Variants in SEPTIN9 observed in about 807,000 individuals in gnomAD.
SEPTIN9 encodes septin 9.
In SEPTIN9, 13 loss-of-function variants were observed where a neutral mutation model predicts 56.6. The observed-to-expected ratio is 0.23, with a 90% CI of 0.15 to 0.37. The LOEUF (loss-of-function observed/expected upper bound fraction) is 0.37. Among genes scored for constraint, SEPTIN9 ranks in the 10% least tolerant of loss-of-function variants. SEPTIN9 has a pLI of 1.00. For missense variants in SEPTIN9, 650 were observed against 823.1 expected, an observed-to-expected ratio of 0.79 and a Z score of 2.57; for synonymous variants, 332 against 334.1, an observed-to-expected ratio of 0.99 and a Z score of 0.07.
At chr17:77,398,134 T>G (rs1263736286) in intron 2 of SEPTIN9, among the ~76,000 whole-genome samples, 2 of 152,136 alleles carry the variant, frequency 1.3e-5, no homozygotes, top group Non-Finnish European at 2.9e-5. Flanking sequence ...CCACCACCCC[T>G]GGCCAATTTT....
Position 77,283,160 on chromosome 17 carries a change from CT to C in SEPTIN9, c.19+1624del, listed in dbSNP as rs33965677. Among the ~76,000 whole-genome samples, 98 of 132,312 alleles carry C rather than the reference CT, an allele frequency of 7.4e-4. 1 individual carries two copies. Among genetic ancestry groups the C allele is most frequent in the East Asian group, 1.3e-3 (6 of 4,592 alleles). The allele number at this position is 132,312 out of a possible 152,430, so 86.8% of individuals were successfully genotyped here. ...ACCTACCCCACCCCTCACTGGGTTT[CT>C]TTTTTTTTTTTTTTTTTAAAAAAAA... On this transcript the variant is annotated intron_variant, in intron 1 of 11. Transcript: ENST00000427177.
At chr17:77,320,158 A>T in intron 2 of SEPTIN9, 13 of 1,524,306 alleles carry the variant, frequency 8.5e-6, no homozygotes, top group Non-Finnish European at 1.1e-5. Context: ...ATTCGGATGC[A>T]TTCGTGATTG....
chr17:77,471,686 T>C (rs911605414), intron 3 of SEPTIN9, among the ~76,000 whole-genome samples: 1 of 152,210 alleles, frequency 6.6e-6, no homozygotes, highest in Non-Finnish European at 1.5e-5. Context: ...AGATGGCCAG[T>C]GTCCACCCAC....
chr17:77,454,002 C>T, intron 3 of SEPTIN9: 1 of 951,778 alleles, frequency 1.1e-6, no homozygotes, highest in Non-Finnish European at 1.3e-6. Flanking sequence ...TACATGTAAG[C>T]CTTTCCCATA....
At chr17:77,459,692 G>A (rs1383621272) in intron 3 of SEPTIN9, among the ~76,000 whole-genome samples, 2 of 151,962 alleles carry the variant, frequency 1.3e-5, no homozygotes, top group Non-Finnish European at 1.5e-5. Context: ...GTCACATGGC[G>A]AGAGAGAGAA....
At chr17:77,410,345 T>C (rs982417589) in intron 3 of SEPTIN9, among the ~76,000 whole-genome samples, 6 of 152,088 alleles carry the variant, frequency 3.9e-5, no homozygotes, top group Admixed American at 2.6e-4. Context: ...AAGTGATTTG[T>C]CCACAGTTAC....
In SEPTIN9 at chr17:77,348,460, C is replaced by T. The variant is rs189860760; in HGVS notation, c.76+41263C>T. Reference sequence around the variant, plus strand: ...GATTACAGACGCCTGCCACCACGGCCGGCTAATTTTTGTATTTTTAGTAAA... The same window carrying T: ...GATTACAGACGCCTGCCACCACGGCTGGCTAATTTTTGTATTTTTAGTAAA... On this transcript the variant is annotated intron_variant, in intron 2 of 11. Coordinates refer to ENST00000427177, the MANE Select transcript of SEPTIN9 (RefSeq NM_001113491.2). 3.0e-4 allele frequency among the ~76,000 whole-genome samples: 46 copies of T among 151,838 alleles called. No individual in the cohort carries two copies. In the East Asian group the frequency reaches 6.2e-3, roughly 20 times the overall value.
In SEPTIN9 at chr17:77,425,222, G is replaced by C. The variant is rs1469915199; in HGVS notation, c.721+22519G>C. ...TGGGAGGTCGTGCGGGCTGGGGACT[G>C]AGAGTGCCGGAGGAGGGCCTCCCAG... On this transcript the variant is annotated intron_variant, in intron 3 of 11. Transcript: ENST00000427177. The surrounding 1 kb of genome is among the most constrained non-coding windows in gnomAD (Gnocchi z 4.2). 6.6e-6 allele frequency among the ~76,000 whole-genome samples: 1 copy of C among 152,178 alleles called. No individual in the cohort carries two copies. The highest frequency in any genetic ancestry group is 6.5e-5 in the Admixed American group (1 of 15,288).
At chr17:77,395,587 C>A (rs2035683312) in intron 2 of SEPTIN9, among the ~76,000 whole-genome samples, 1 of 151,648 alleles carries the variant, frequency 6.6e-6, no homozygotes, top group Non-Finnish European at 1.5e-5. Flanking sequence ...GCTAAGTGAT[C>A]CCCATGTAGT....
intron 3 of SEPTIN9, chr17:77,404,962 C>G: frequency 1.1e-6 from 1 of 903,690 alleles, no homozygotes; most frequent in East Asian, 2.7e-5. Context: ...CCCCTGCCTT[C>G]TGTTGGTGCA....
At position 77,310,725 on chromosome 17, in the gene SEPTIN9, A is replaced by T. The variant is rs1012730798; in HGVS notation, c.76+3528A>T. On this transcript the variant is annotated intron_variant, in intron 2 of 11. Coordinates refer to ENST00000427177, the MANE Select transcript of SEPTIN9 (RefSeq NM_001113491.2). This position sits in a 1 kb window ranked among gnomAD's most constrained non-coding sequence, Gnocchi z 4.7. ...TGTGCCTCAGGCAGCCGCCTCTCTG[A>T]CTGAGCGTCCAGCGGACTTTTGCCC... is the stretch of plus-strand genomic sequence containing the variant. 1.3e-5 allele frequency among the ~76,000 whole-genome samples: 2 copies of T among 151,928 alleles called. No homozygotes were observed. Among genetic ancestry groups the T allele is most frequent in the African/African-American group, 2.4e-5 (1 of 41,356 alleles).
At chr17:77,479,640 T>C (rs1195903038) in intron 3 of SEPTIN9, among the ~76,000 whole-genome samples, 1 of 152,180 alleles carries the variant, frequency 6.6e-6, no homozygotes, top group East Asian at 1.9e-4. Context: ...TGAGTGCTGG[T>C]GCCTGTGGAG....
At chr17:77,379,409 G>A (rs2035060804) in intron 2 of SEPTIN9, among the ~76,000 whole-genome samples, 1 of 152,030 alleles carries the variant, frequency 6.6e-6, no homozygotes, top group South Asian at 2.1e-4. Context: ...GTACGTGATG[G>A]GCATCACCCA....
In SEPTIN9 at chr17:77,313,323, C is replaced by T. The variant is rs958256852; in HGVS notation, c.76+6126C>T. 6.6e-6 allele frequency among the ~76,000 whole-genome samples: 1 copy of T among 152,258 alleles called. No individual in the cohort carries two copies. Among genetic ancestry groups the T allele is most frequent in the African/African-American group, 2.4e-5 (1 of 41,474 alleles). On this transcript the variant is annotated intron_variant, in intron 2 of 11. Coordinates refer to ENST00000427177, the MANE Select transcript of SEPTIN9 (RefSeq NM_001113491.2). This position sits in a 1 kb window ranked among gnomAD's most constrained non-coding sequence, Gnocchi z 4.5. ...AGTGGAATTGGGCCCAACCGGGCTG[C>T]TTCTCCCCGTTGTCTTGGTTTCCTT...
intron 3 of SEPTIN9, among the ~76,000 whole-genome samples, chr17:77,430,217 C>T (rs2037075063): frequency 6.6e-6 from 1 of 152,152 alleles, no homozygotes; most frequent in Admixed American, 6.5e-5. Flanking sequence ...AGCTCCATCC[C>T]CAGCTTTCTC....
At position 77,490,840 on chromosome 17, in the gene SEPTIN9, G is replaced by A. The variant is rs776409695; in HGVS notation, c.1361G>A (p.Arg454Lys). 6.3e-7 allele frequency: 1 copy of A among 1,586,114 alleles called. No individual in the cohort carries two copies. Among genetic ancestry groups the A allele is most frequent in the South Asian group, 1.2e-5 (1 of 86,942 alleles). ...AKADTLTLEE[R>K]VHFKQRITAD... Reference sequence around the variant, plus strand: ...GCGGACACACTCACCCTGGAGGAGAGGGTCCACTTCAAACAGCGGGTAGGG... The same window carrying A: ...GCGGACACACTCACCCTGGAGGAGAAGGTCCACTTCAAACAGCGGGTAGGG... The change falls in exon 8 of 12, where the codon AGG becomes AAG. Residue 454 changes from arginine to lysine, a missense_variant. By Grantham distance (26) the Arg-to-Lys change is conservative. Around this residue, in one of 2 missense-constraint regions of SEPTIN9, gnomAD observed 333 missense variants for 494.0 expected, o/e 0.67. Coordinates refer to ENST00000427177, the MANE Select transcript of SEPTIN9 (RefSeq NM_001113491.2).
At chr17:77,447,914 C>T (rs28491633) in intron 3 of SEPTIN9, among the ~76,000 whole-genome samples, 17 of 152,318 alleles carry the variant, frequency 1.1e-4, no homozygotes, top group Admixed American at 1.0e-3. Context: ...TGTGAGCCAA[C>T]ACACCTGGCC....
chr17:77,430,202 C>G (rs1307143119), intron 3 of SEPTIN9, among the ~76,000 whole-genome samples: 1 of 152,148 alleles, frequency 6.6e-6, no homozygotes, highest in Admixed American at 6.5e-5. Context: ...CACCCTCCCC[C>G]CGCCAGCTCC....
At chr17:77,397,932 G>T (rs1057402826) in intron 2 of SEPTIN9, among the ~76,000 whole-genome samples, 21 of 151,966 alleles carry the variant, frequency 1.4e-4, no homozygotes, top group Admixed American at 3.9e-4. Flanking sequence ...AAAGTGCTGG[G>T]ATTACAGGCA....
Sources: gnomAD v4.1 joint callset for allele counts (sites outside exome capture counted in the v4.1 genomes callset) on GRCh38, gnomAD v4.1.1 for gene constraint, gnomAD v4.1.1 regional missense constraint, Gnocchi (gnomAD v3.1) non-coding constraint, MANE v1.5 for transcripts, NCBI Gene and HGNC (gene_info 2026-07-23, HGNC 2026-07-21) for gene names.